AIFM1: variants seen among roughly 807,000 people sequenced by gnomAD.
The protein encoded by AIFM1 is apoptosis-inducing factor 1, mitochondrial.
In AIFM1, 3 loss-of-function variants were observed where a neutral mutation model predicts 51.7. The ratio of observed to expected loss-of-function variants is 0.06; its 90% confidence interval spans 0.03 to 0.15. The LOEUF (loss-of-function observed/expected upper bound fraction) is 0.15, where lower values mean the gene tolerates loss of function less well. AIFM1 is among the 10% of genes least tolerant of loss of function. The pLI is 1.00. For synonymous variants in AIFM1, 178 were observed against 179.4 expected (o/e 0.99, Z 0.06); for missense variants, 330 against 476.8 (o/e 0.69, Z 2.87).
At chrX:130,145,933 T>C (rs760203514) in intron 5 of AIFM1, among the ~76,000 whole-genome samples, 1 of 111,827 alleles carries the variant, frequency 8.9e-6, no homozygotes. Context: ...CTGCTCCAAA[T>C]GTCAATAGTG....
rs1189292666 is a variant in AIFM1 at position 130,137,104 on chromosome X, T to A, written c.1049A>T (p.Asn350Ile). Residue 350 changes from asparagine (N) to isoleucine (I), a missense_variant, in exon 10 of 16, where the codon AAC (asparagine) becomes ATC (isoleucine). Transcript: ENST00000287295. ...MGKILPEYLS[N>I]WTMEKVRREG... is the part of the protein sequence containing the mutation. ...TCGTCTGACTTTTTCCATGGTCCAGTTGCTGAGGTATTCGGGGAGGATCTT... is the reference window on the plus strand; with the variant it reads ...TCGTCTGACTTTTTCCATGGTCCAGATGCTGAGGTATTCGGGGAGGATCTT... 1.7e-6 allele frequency: 2 copies of A among 1,211,413 alleles called. No homozygotes were observed. Among genetic ancestry groups the A allele is most frequent in the Admixed American group, 2.2e-5 (1 of 46,012 alleles).
At position 130,138,606 on chromosome X, in the gene AIFM1, A is replaced by G. The variant is rs1603224213; in HGVS notation, c.954T>C (p.Ala318=). 2 of 1,207,348 alleles carry G rather than the reference A, an allele frequency of 1.7e-6. No homozygotes were observed. The highest frequency in any genetic ancestry group is 2.2e-6 in the Non-Finnish European group (2 of 891,438). The part of the protein sequence containing the change: ...GGFLGSELAC[A]LGRKARALGT... ...CTCAATACTCACCCTTTCTGCCAAG[A>G]GCACAGGCCAGTTCGCTACCAAGGA... The change falls in exon 9 of 16, where the codon GCT becomes GCC. Residue 318 remains alanine, a synonymous_variant. Coordinates refer to ENST00000287295, the MANE Select transcript of AIFM1 (RefSeq NM_004208.4).
At chrX:130,161,647 G>T (rs1428390667) in intron 1 of AIFM1, among the ~76,000 whole-genome samples, 1 of 95,764 alleles carries the variant, frequency 1.0e-5, no homozygotes, top group Admixed American at 1.2e-4. Context: ...TCGCTCTGTC[G>T]TCCAGGCTGG....
chrX:130,139,724 C>T, intron 8 of AIFM1, 71 bp downstream of exon 8: 1 of 1,028,794 alleles, frequency 9.7e-7, no homozygotes, highest in Non-Finnish European at 1.4e-6. Context: ...CCCGGGTGGG[C>T]ACTTGGGGAC....
chrX:130,146,577 G>T (rs1363537900), intron 5 of AIFM1, among the ~76,000 whole-genome samples: 2 of 109,287 alleles, frequency 1.8e-5, no homozygotes, highest in Non-Finnish European at 3.8e-5. Flanking sequence ...GGGGGTGAGG[G>T]AAAAGGGTAA....
chrX:130,129,387 T>C lies in AIFM1; in HGVS notation c.*170A>G. On this transcript the variant is annotated 3_prime_UTR_variant, in exon 16 of 16. Transcript: ENST00000287295. ...TTTAATTTAGAAGAATCAGAATTTA[T>C]TTCACTATGTGAACATTAAGAATTT... 1 of 477,315 alleles carries C rather than the reference T, an allele frequency of 2.1e-6. No homozygotes were observed. Among genetic ancestry groups the C allele is most frequent in the Non-Finnish European group, 3.7e-6 (1 of 269,337 alleles). 39.3% of individuals were successfully genotyped at this position (477,315 alleles called of 1,213,427 possible).
chrX:130,133,576 T>A (rs1344590433), intron 12 of AIFM1, 121 bp from the exon 13 acceptor site: 2 of 925,278 alleles, frequency 2.2e-6, no homozygotes, highest in Non-Finnish European at 3.0e-6. Context: ...ATGTTTTCCA[T>A]CTACAGGCCA....
rs189895704 is a variant in AIFM1 at position 130,161,734 on chromosome X, A to G, written c.106+3817T>C. Among the ~76,000 whole-genome samples the G allele has an allele frequency of 4.8e-3, 510 of 106,781 alleles. 1 individual carries two copies. Among genetic ancestry groups the G allele is most frequent in the Admixed American group, 8.3e-3 (83 of 9,959 alleles). 92.7% of individuals were successfully genotyped at this position (106,781 alleles called of 115,157 possible). On this transcript the variant is annotated intron_variant, in intron 1 of 15. Coordinates refer to ENST00000287295, the MANE Select transcript of AIFM1 (RefSeq NM_004208.4). Reference sequence around the variant, plus strand: ...GCAATTCTCCTGCCTCAGCCTCCCGAGTAGCAGGGATTACAGGCATGTGCC... The same window carrying G: ...GCAATTCTCCTGCCTCAGCCTCCCGGGTAGCAGGGATTACAGGCATGTGCC...
chrX:130,142,523 T>C (rs1466771933), intron 6 of AIFM1, among the ~76,000 whole-genome samples: 2 of 112,126 alleles, frequency 1.8e-5, no homozygotes, highest in Non-Finnish European at 3.8e-5. Flanking sequence ...TCCCATCCAA[T>C]AGGTCCCACC....
chrX:130,164,693 T>C (rs1051096455), intron 1 of AIFM1, among the ~76,000 whole-genome samples: 1 of 111,890 alleles, frequency 8.9e-6, no homozygotes, highest in Non-Finnish European at 1.9e-5. Flanking sequence ...GAGACCCGAA[T>C]TCATTCTTAA....
At chrX:130,159,349 GA>G (rs1374509989) in intron 1 of AIFM1, among the ~76,000 whole-genome samples, 13 of 112,197 alleles carry the variant, frequency 1.2e-4, no homozygotes, top group Non-Finnish European at 1.9e-5. Flanking sequence ...ATCACCACAT[GA>G]AATAAAATGG....
At position 130,149,556 on chromosome X, in the gene AIFM1, T is replaced by G. The variant is rs750098055; in HGVS notation, c.262A>C (p.Met88Leu). The G allele has an allele frequency of 8.3e-7, 1 of 1,198,079 alleles. No homozygotes were observed. Among genetic ancestry groups the G allele is most frequent in the Non-Finnish European group, 1.1e-6 (1 of 884,515 alleles). ...TTGTATCTTTTTTCATCCTCTTTCA[T>G]AGTCTTGTAGGCCTGCGGATCCAAA... ...VGAGAYAYKT[M>L]KEDEKRYNER... Residue 88 changes from methionine to leucine, a missense_variant, in exon 3 of 16, where the codon ATG (methionine) becomes CTG (leucine). Met to Leu is a conservative substitution (Grantham distance 15, BLOSUM62 2). Coordinates refer to ENST00000287295, the MANE Select transcript of AIFM1 (RefSeq NM_004208.4).
chrX:130,163,042 C>T (rs1196354026), intron 1 of AIFM1, among the ~76,000 whole-genome samples: 1 of 111,287 alleles, frequency 9.0e-6, no homozygotes, highest in African/African-American at 3.3e-5. Flanking sequence ...GAGATAGTTG[C>T]AAGGCAGGTT....
intron 2 of AIFM1, chrX:130,155,292 G>A (rs1171838873): frequency 8.3e-7 from 1 of 1,208,295 alleles, no homozygotes; most frequent in East Asian, 3.0e-5. Flanking sequence ...CACAACTGTA[G>A]GTAAAGATAA....
rs1198966853 is a variant in AIFM1 at position 130,138,583 on chromosome X, C to T, written c.967+10G>A. ...GAGAAAGAAAATCAAGGTCACTCCT[C>T]AATACTCACCCTTTCTGCCAAGAGC... On this transcript the variant is annotated intron_variant, in intron 9 of 15. Transcript: ENST00000287295. The T allele has an allele frequency of 1.4e-5, 16 of 1,166,558 alleles. No individual in the cohort carries two copies. Among genetic ancestry groups the T allele is most frequent in the Non-Finnish European group, 1.9e-5 (16 of 855,741 alleles).
intron 2 of AIFM1, among the ~76,000 whole-genome samples, chrX:130,153,854 A>T (rs1432905372): frequency 1.8e-5 from 2 of 112,092 alleles, no homozygotes; most frequent in Admixed American, 1.9e-4. Context: ...CTATGAGAAA[A>T]TAAACCTCTG....
chrX:130,148,559 C>T (rs1235462345), intron 3 of AIFM1, among the ~76,000 whole-genome samples: 1 of 111,095 alleles, frequency 9.0e-6, no homozygotes, highest in Non-Finnish European at 1.9e-5. Flanking sequence ...TTCGGCTGGG[C>T]GTGGTGGCTC....
intron 1 of AIFM1, among the ~76,000 whole-genome samples, chrX:130,158,704 TAAAAAAAA>T (rs56253125): frequency 3.0e-4 from 13 of 44,065 alleles, no homozygotes; most frequent in African/African-American, 8.0e-4. Context: ...GCTGATGAGC[TAAAAAAAA>T]AAAAAAAAAA....
intron 15 of AIFM1, 135 bp from the exon 16 acceptor site, chrX:130,129,763 C>A: frequency 1.3e-6 from 1 of 758,679 alleles, no homozygotes; most frequent in South Asian, 2.2e-5. Context: ...CTACTAACCC[C>A]AAACAAGCAG....
Sources: gnomAD v4.1 joint callset for allele counts (sites outside exome capture counted in the v4.1 genomes callset) on GRCh38, gnomAD v4.1.1 for gene constraint, MANE v1.5 for transcripts, NCBI Gene and HGNC (gene_info 2026-07-23, HGNC 2026-07-21) for gene names.